PTPRD: variants seen among roughly 807,000 people sequenced by gnomAD.
PTPRD encodes protein tyrosine phosphatase receptor type D.
A neutral mutation model predicts 214.5 loss-of-function variants in PTPRD; 34 were observed. The observed-to-expected ratio is 0.16, with a 90% CI of 0.12 to 0.21. The LOEUF (loss-of-function observed/expected upper bound fraction) is 0.21, where lower values mean the gene tolerates loss of function less well. PTPRD is among the 10% of genes least tolerant of loss of function. The pLI is 1.00. For synonymous variants in PTPRD, 1,128 were observed against 845.7 expected, an observed-to-expected ratio of 1.33 and a Z score of -5.79; for missense variants, 2,545 against 2,398.7, an observed-to-expected ratio of 1.06 and a Z score of -1.27.
intron 3 of PTPRD, among the ~76,000 whole-genome samples, chr9:10,240,336 T>A (rs961615994): frequency 6.6e-6 from 1 of 151,920 alleles, no homozygotes; most frequent in Admixed American, 6.6e-5. Context: ...TAAAGGGGTT[T>A]CAGCCATGAC....
intron 12 of PTPRD, among the ~76,000 whole-genome samples, chr9:8,681,215 T>G (rs998431584): frequency 1.3e-5 from 2 of 152,142 alleles, no homozygotes; most frequent in African/African-American, 2.4e-5. Flanking sequence ...ATGAACTCTT[T>G]TAGATGTTAG....
intron 35 of PTPRD, among the ~76,000 whole-genome samples, chr9:8,435,936 T>TTA (rs2095328762): frequency 6.6e-6 from 1 of 152,230 alleles, no homozygotes; most frequent in African/African-American, 2.4e-5. Context: ...TACTCAATAA[T>TTA]TACAGAGTTT....
chr9:9,819,894 G>T (rs1565506208), intron 5 of PTPRD, among the ~76,000 whole-genome samples: 1 of 152,080 alleles, frequency 6.6e-6, no homozygotes, highest in Non-Finnish European at 1.5e-5. Context: ...TCAGTCCATT[G>T]TTGATGGACA....
At chr9:8,777,287 A>G (rs2095524939) in intron 11 of PTPRD, among the ~76,000 whole-genome samples, 1 of 152,166 alleles carries the variant, frequency 6.6e-6, no homozygotes, top group Non-Finnish European at 1.5e-5. Flanking sequence ...AGTATGCTTA[A>G]GAATGAAATT....
At chr9:9,070,492 T>C (rs1358483106) in intron 10 of PTPRD, among the ~76,000 whole-genome samples, 1 of 152,158 alleles carries the variant, frequency 6.6e-6, no homozygotes, top group East Asian at 1.9e-4. Context: ...GAGAATAATA[T>C]GCCTGAAGTT....
At chr9:9,658,305 G>T (rs577618840) in intron 7 of PTPRD, among the ~76,000 whole-genome samples, 103 of 152,074 alleles carry the variant, frequency 6.8e-4, no homozygotes, top group East Asian at 4.8e-3. Context: ...ACATCATTTC[G>T]CCTTATATCC....
At chr9:9,979,122 G>A (rs1158657931) in intron 4 of PTPRD, among the ~76,000 whole-genome samples, 1 of 152,022 alleles carries the variant, frequency 6.6e-6, no homozygotes, top group African/African-American at 2.4e-5. Flanking sequence ...TGTACTATGA[G>A]AAATGTCAGA....
intron 11 of PTPRD, among the ~76,000 whole-genome samples, chr9:8,756,178 C>A (rs754155339): frequency 2.6e-5 from 4 of 152,140 alleles, no homozygotes; most frequent in Non-Finnish European, 5.9e-5. Context: ...CCAACTTCAG[C>A]ACTGACTTTC....
At chr9:10,429,464 G>A (rs606202) in intron 2 of PTPRD, among the ~76,000 whole-genome samples, 1 of 151,854 alleles carries the variant, frequency 6.6e-6, no homozygotes, top group Admixed American at 6.6e-5. Context: ...ATAAAGTGCG[G>A]TGTATATGCA....
intron 9 of PTPRD, among the ~76,000 whole-genome samples, chr9:9,224,389 T>C (rs1035182794): frequency 6.6e-6 from 1 of 152,044 alleles, no homozygotes; most frequent in African/African-American, 2.4e-5. Flanking sequence ...AACTTCATTT[T>C]CAACACAGTT....
chr9:9,257,851 G>C (rs564227634), intron 9 of PTPRD, among the ~76,000 whole-genome samples: 13 of 152,000 alleles, frequency 8.6e-5, no homozygotes, highest in South Asian at 2.1e-4. Context: ...AGGGACATTA[G>C]GGACAAGTGG....
chr9:9,070,902 C>A (rs1425448791), intron 10 of PTPRD, among the ~76,000 whole-genome samples: 1 of 152,076 alleles, frequency 6.6e-6, no homozygotes, highest in Non-Finnish European at 1.5e-5. Flanking sequence ...ACTAGCACTA[C>A]CTTTATTATG....
intron 3 of PTPRD, among the ~76,000 whole-genome samples, chr9:10,203,948 G>A (rs1594101104): frequency 6.6e-6 from 1 of 152,222 alleles, no homozygotes; most frequent in Middle Eastern, 3.4e-3. Flanking sequence ...TTCTATCCCT[G>A]CCTCAATTTT....
chr9:9,007,108 T>A (rs748717235), intron 11 of PTPRD, among the ~76,000 whole-genome samples: 1 of 151,912 alleles, frequency 6.6e-6, no homozygotes, highest in Non-Finnish European at 1.5e-5. Context: ...TGTGCTCCCA[T>A]CCACACATCT....
chr9:8,336,814 A>G (rs1404361312), intron 43 of PTPRD, among the ~76,000 whole-genome samples: 3 of 152,180 alleles, frequency 2.0e-5, no homozygotes, highest in Non-Finnish European at 4.4e-5. Flanking sequence ...CACTTCTCAG[A>G]AGAAGACACC....
intron 11 of PTPRD, among the ~76,000 whole-genome samples, chr9:8,844,807 T>G (rs985034174): frequency 6.6e-6 from 1 of 152,216 alleles, no homozygotes; most frequent in African/African-American, 2.4e-5. Context: ...GCTAGGCAGC[T>G]AAGGCTCTAA....
At chr9:9,107,788 G>A (rs2099800746) in intron 10 of PTPRD, among the ~76,000 whole-genome samples, 2 of 152,106 alleles carry the variant, frequency 1.3e-5, no homozygotes, top group Admixed American at 6.6e-5. Context: ...CTTAACTACA[G>A]TTGTTCATAC....
At chr9:9,717,810 A>C (rs992011336) in intron 7 of PTPRD, among the ~76,000 whole-genome samples, 9 of 152,204 alleles carry the variant, frequency 5.9e-5, no homozygotes, top group African/African-American at 1.9e-4. Flanking sequence ...CATTTATAAA[A>C]ATAATATGGG....
At chr9:8,377,512 G>A (rs1377972590) in intron 37 of PTPRD, among the ~76,000 whole-genome samples, 1 of 151,918 alleles carries the variant, frequency 6.6e-6, no homozygotes, top group East Asian at 1.9e-4. Context: ...GAGTCTGTTG[G>A]GCATTAAAAA....
Sources: allele counts gnomAD v4.1 joint callset (sites outside exome capture counted in the v4.1 genomes callset), GRCh38; gene constraint gnomAD v4.1.1; transcripts MANE v1.5; gene names NCBI Gene and HGNC (gene_info 2026-07-23, HGNC 2026-07-21).